Variants in FRMPD4 observed in about 807,000 individuals in gnomAD.
FRMPD4 encodes FERM and PDZ domain containing 4, also known as FERM and PDZ domain-containing protein 4.
Under a neutral mutation model 94.1 loss-of-function variants are expected in FRMPD4, and 22 were observed. That is an observed-to-expected ratio of 0.23 (90% CI 0.17 to 0.33). The LOEUF (loss-of-function observed/expected upper bound fraction) is 0.33, where lower values mean the gene tolerates loss of function less well. Among genes scored for constraint, FRMPD4 ranks in the 10% least tolerant of loss-of-function variants. FRMPD4 has a pLI of 1.00. For missense variants in FRMPD4, 1,111 were observed against 1,339.9 expected (o/e 0.83, Z 2.67); for synonymous variants, 631 against 548.6 (o/e 1.15, Z -2.10).
At chrX:12,310,447 T>C (rs1157788146) in intron 1 of FRMPD4, among the ~76,000 whole-genome samples, 1 of 111,905 alleles carries the variant, frequency 8.9e-6, no homozygotes, top group East Asian at 2.8e-4. Flanking sequence ...GGGGATGCGA[T>C]GGCTTGGCTT....
intron 2 of FRMPD4, among the ~76,000 whole-genome samples, chrX:12,603,130 C>G (rs1436831207): frequency 8.9e-6 from 1 of 111,771 alleles, no homozygotes; most frequent in Non-Finnish European, 1.9e-5. Flanking sequence ...CAACGATGAC[C>G]TCAAGCATAC....
chrX:12,138,414 G>C (rs1327837055), upstream of FRMPD4: 2 of 120,933 alleles, frequency 1.7e-5, no homozygotes, highest in Non-Finnish European at 3.4e-5. Flanking sequence ...CCCTCCCCCC[G>C]GGCGGGTGGG....
At chrX:12,281,610 A>G (rs972669759) in intron 1 of FRMPD4, among the ~76,000 whole-genome samples, 3 of 111,286 alleles carry the variant, frequency 2.7e-5, no homozygotes, top group African/African-American at 9.8e-5. Flanking sequence ...TCTGGCCTCA[A>G]GTGATCTGCC....
At chrX:12,083,889 C>A (rs139109639) in intron 3 of FRMPD4, among the ~76,000 whole-genome samples, 2,865 of 111,907 alleles carry the variant, frequency 0.026, 40 homozygotes, top group Non-Finnish European at 0.041. Flanking sequence ...ATGCCTGTAC[C>A]CCCATTGTAT....
chrX:12,526,030 T>C (rs1270715032), intron 2 of FRMPD4, among the ~76,000 whole-genome samples: 1 of 112,847 alleles, frequency 8.9e-6, no homozygotes, highest in Non-Finnish European at 1.9e-5. Context: ...CTGGATAAAA[T>C]ATTTCTTTTT....
At chrX:12,468,917 T>A (rs978519701) in intron 1 of FRMPD4, among the ~76,000 whole-genome samples, 1 of 112,255 alleles carries the variant, frequency 8.9e-6, no homozygotes, top group Non-Finnish European at 1.9e-5. Flanking sequence ...ACAGGGCACA[T>A]TGGATGTGAG....
intron 1 of FRMPD4, among the ~76,000 whole-genome samples, chrX:12,142,922 G>A (rs1302551503): frequency 1.8e-5 from 2 of 111,954 alleles, no homozygotes; most frequent in Admixed American, 1.9e-4. Context: ...TTCTGCTTAT[G>A]GTCCTTCCAG....
intron 3 of FRMPD4, among the ~76,000 whole-genome samples, chrX:12,098,647 T>C (rs1332665751): frequency 9.0e-6 from 1 of 111,529 alleles, no homozygotes; most frequent in East Asian, 2.8e-4. Context: ...CCCAAAGAAA[T>C]AGTTAGCTAT....
intron 1 of FRMPD4, among the ~76,000 whole-genome samples, chrX:12,142,714 C>T (rs763191107): frequency 8.9e-6 from 1 of 111,934 alleles, no homozygotes; most frequent in Non-Finnish European, 1.9e-5. Context: ...TAGTTTGAAG[C>T]TGTGAAAGTC....
In FRMPD4 at chrX:12,228,353, A is replaced by G. The variant is rs769101949; in HGVS notation, c.41+89341A>G. ...AAAACACTAATGTTTTAGAGAGCAC[A>G]TTGTGGAAAATGTTTTATGGAAATT... On this transcript the variant is annotated intron_variant, in intron 1 of 16. Coordinates refer to ENST00000675598, the MANE Select transcript of FRMPD4 (RefSeq NM_001368397.1). 1.1e-3 allele frequency among the ~76,000 whole-genome samples: 127 copies of G among 112,601 alleles called. 1 individual carries two copies. The highest frequency in any genetic ancestry group is 4.6e-3 in the Middle Eastern group (1 of 218).
intron 1 of FRMPD4, among the ~76,000 whole-genome samples, chrX:11,852,458 A>G (rs1022749701): frequency 3.6e-3 from 391 of 108,442 alleles, no homozygotes; most frequent in African/African-American, 0.011. Flanking sequence ...AAAAAAAAAA[A>G]AAAGAAAAAG....
intron 3 of FRMPD4, among the ~76,000 whole-genome samples, chrX:11,968,178 C>T (rs1445980015): frequency 2.7e-5 from 3 of 111,507 alleles, no homozygotes; most frequent in Non-Finnish European, 5.7e-5. Context: ...CACCTCCCTT[C>T]ACCACAGATC....
chrX:12,525,911 A>G (rs1418250442), intron 2 of FRMPD4, among the ~76,000 whole-genome samples: 1 of 112,194 alleles, frequency 8.9e-6, no homozygotes, highest in African/African-American at 3.2e-5. Context: ...ATGCCTATTG[A>G]CCATTTGTGT....
intron 15 of FRMPD4, 55 bp downstream of exon 15, chrX:12,717,188 C>A: frequency 1.2e-6 from 1 of 822,206 alleles, no homozygotes; most frequent in Non-Finnish European, 1.7e-6. Flanking sequence ...TCCATCCTTC[C>A]AAGCCATTTG....
At chrX:12,271,523 G>A (rs1163517549) in intron 1 of FRMPD4, among the ~76,000 whole-genome samples, 8 of 112,149 alleles carry the variant, frequency 7.1e-5, no homozygotes. Flanking sequence ...TGTCCACGAA[G>A]ATTGTGTGCT....
intron 3 of FRMPD4, among the ~76,000 whole-genome samples, chrX:12,055,618 G>A (rs1222463462): frequency 9.0e-6 from 1 of 111,692 alleles, no homozygotes; most frequent in Non-Finnish European, 1.9e-5. Context: ...CTAGCCTCAG[G>A]TATTTCTTTA....
intron 1 of FRMPD4, among the ~76,000 whole-genome samples, chrX:12,231,040 A>G (rs1211467587): frequency 1.6e-5 from 1 of 63,284 alleles, no homozygotes; most frequent in Non-Finnish European, 2.8e-5. Context: ...GTATATATAT[A>G]TATATATAAA....
At chrX:12,108,269 C>A (rs1239643419) in intron 3 of FRMPD4, among the ~76,000 whole-genome samples, 1 of 111,734 alleles carries the variant, frequency 8.9e-6, no homozygotes, top group Non-Finnish European at 1.9e-5. Flanking sequence ...GGCCAATATT[C>A]AACATTCTTA....
chrX:12,637,526 T>A (rs909465660), intron 4 of FRMPD4, among the ~76,000 whole-genome samples: 3 of 110,987 alleles, frequency 2.7e-5, no homozygotes, highest in Non-Finnish European at 3.8e-5. Context: ...CTTAATTTTT[T>A]AAAAAATTAG....
Sources: gnomAD v4.1 joint callset for allele counts (sites outside exome capture counted in the v4.1 genomes callset) on GRCh38, gnomAD v4.1.1 for gene constraint, MANE v1.5 for transcripts, NCBI Gene and HGNC (gene_info 2026-07-23, HGNC 2026-07-21) for gene names.